SLC17A3: variants seen among roughly 807,000 people sequenced by gnomAD.
The protein encoded by SLC17A3 is sodium-dependent phosphate transport protein 4.
A neutral mutation model predicts 60.3 loss-of-function variants in SLC17A3; 61 were observed. The observed-to-expected ratio is 1.01, with a 90% confidence interval of 0.82 to 1.25. The LOEUF (loss-of-function observed/expected upper bound fraction) is 1.25, where lower values mean the gene tolerates loss of function less well. Ranked by LOEUF, SLC17A3 falls within the 50% of genes most tolerant of loss-of-function variation. The pLI, the probability that SLC17A3 is intolerant of heterozygous loss-of-function variation, is 0.00. For missense variants in SLC17A3, 624 were observed against 594.9 expected, an observed-to-expected ratio of 1.05 and a Z score of -0.51; for synonymous variants, 192 against 208.9, an observed-to-expected ratio of 0.92 and a Z score of 0.70.
chr6:25,850,669 A>G (rs1428252535), intron 7 of SLC17A3, 49 bp from the exon 8 acceptor site: 1 of 1,611,694 alleles, frequency 6.2e-7, no homozygotes, highest in Admixed American at 1.7e-5. Context: ...AGATGCTCAC[A>G]CACTTAGTCA....
intron 10 of SLC17A3, 104 bp from the exon 11 acceptor site, chr6:25,849,568 A>T (rs1340631681): frequency 1.1e-5 from 8 of 758,152 alleles, no homozygotes; most frequent in Non-Finnish European, 1.6e-5. Flanking sequence ...TTTCACAATT[A>T]TATATAATTA....
chr6:25,845,786 G>A (rs899888403), intron 11 of SLC17A3, among the ~76,000 whole-genome samples: 8 of 152,032 alleles, frequency 5.3e-5, no homozygotes, highest in African/African-American at 1.7e-4. Flanking sequence ...CATGAATCTC[G>A]ACTATATAAA....
chr6:25,853,574 C>T (rs1360680213), intron 6 of SLC17A3, among the ~76,000 whole-genome samples: 9 of 151,684 alleles, frequency 5.9e-5, no homozygotes, highest in African/African-American at 1.7e-4. Flanking sequence ...CCCGCCACCA[C>T]GCCTGGCTAA....
intron 2 of SLC17A3, among the ~76,000 whole-genome samples, chr6:25,865,874 C>T (rs1027036984): frequency 1.3e-5 from 2 of 151,866 alleles, no homozygotes; most frequent in African/African-American, 4.8e-5. Flanking sequence ...TTAAGAAGCA[C>T]CTGAGGGTAT....
intron 2 of SLC17A3, among the ~76,000 whole-genome samples, 163 bp from the exon 3 acceptor site, chr6:25,862,607 T>A (rs78287505): frequency 6.6e-6 from 1 of 151,948 alleles, no homozygotes; most frequent in African/African-American, 2.4e-5. Flanking sequence ...AGGAGATCAC[T>A]GAGTTGAGCT....
At chr6:25,873,758 C>G (rs1765682488) in intron 1 of SLC17A3, among the ~76,000 whole-genome samples, 1 of 152,094 alleles carries the variant, frequency 6.6e-6, no homozygotes. Context: ...TAAATTACTG[C>G]ACCAGCCAGT....
chr6:25,873,626 T>C (rs1466551576), intron 1 of SLC17A3, among the ~76,000 whole-genome samples: 3 of 152,120 alleles, frequency 2.0e-5, no homozygotes, highest in South Asian at 2.1e-4. Context: ...CTAGCCATTT[T>C]AGTTTGGTTA....
chr6:25,846,444 G>A (rs879764783), intron 11 of SLC17A3, among the ~76,000 whole-genome samples: 26 of 152,084 alleles, frequency 1.7e-4, no homozygotes, highest in Admixed American at 2.0e-4. Context: ...AAAACATGAT[G>A]GATGAAATAA....
chr6:25,852,373 A>AC (rs1392375260), intron 6 of SLC17A3, among the ~76,000 whole-genome samples: 6 of 151,966 alleles, frequency 3.9e-5, no homozygotes, highest in Non-Finnish European at 2.9e-5. Flanking sequence ...TGGATCTGTG[A>AC]ATTTATAGTT....
At chr6:25,862,683 A>C (rs969488977) in intron 2 of SLC17A3, among the ~76,000 whole-genome samples, 14 of 151,922 alleles carry the variant, frequency 9.2e-5, no homozygotes, top group Non-Finnish European at 1.6e-4. Flanking sequence ...TTCATCCTAG[A>C]ATTTTGTATC....
Position 25,856,732 on chromosome 6 carries a change from A to C in SLC17A3, c.626-1502T>G, listed in dbSNP as rs986348186. On this transcript the variant is annotated intron_variant, in intron 5 of 12. Transcript: ENST00000397060. Reference sequence around the variant, plus strand: ...CGTTCTCAGGGGCACCTGTAATACCAGCTACTGTGGAGGCTGACGCAGGAG... The same window carrying C: ...CGTTCTCAGGGGCACCTGTAATACCCGCTACTGTGGAGGCTGACGCAGGAG... Among the ~76,000 whole-genome samples, 8 of 151,970 alleles carry C rather than the reference A, an allele frequency of 5.3e-5. No homozygotes were observed. The East Asian group carries it at 1.4e-3, about 26-fold the overall frequency.
chr6:25,851,558 G>A (rs529970136), intron 6 of SLC17A3, among the ~76,000 whole-genome samples: 50 of 152,110 alleles, frequency 3.3e-4, no homozygotes, highest in African/African-American at 1.2e-3. Context: ...ATTCATTTTG[G>A]TTTAGTTTTT....
chr6:25,850,123 C>T lies in SLC17A3; in HGVS notation c.1048G>A (p.Gly350Arg), dbSNP rs1765247770. Residue 350 changes from glycine (G) to arginine (R), a missense_variant, in exon 9 of 13, where the codon GGA becomes AGA. Gly to Arg is a moderately radical substitution (Grantham distance 125, BLOSUM62 -2). Transcript: ENST00000397060. ...AGAAGGAAATCTGCCAGATAGCCTC[C>T]CACCATGCCTATGACCCAGGCAACA... ...FIVAWVIGMVGGYLADFLLTK... is the reference protein window; with the variant it reads ...FIVAWVIGMVRGYLADFLLTK... The T allele has an allele frequency of 1.2e-6, 2 of 1,613,660 alleles. No individual in the cohort carries two copies. Among genetic ancestry groups the T allele is most frequent in the Non-Finnish European group, 8.5e-7 (1 of 1,179,668 alleles).
intron 2 of SLC17A3, among the ~76,000 whole-genome samples, chr6:25,862,698 A>C (rs551829962): frequency 6.6e-6 from 1 of 151,980 alleles, no homozygotes; most frequent in Admixed American, 6.6e-5. Context: ...TGTATCTACC[A>C]TTCCTAGGTC....
chr6:25,861,520 T>G (rs1175158550), intron 5 of SLC17A3, 104 bp downstream of exon 5: 1 of 905,666 alleles, frequency 1.1e-6, no homozygotes, highest in Non-Finnish European at 1.9e-6. Flanking sequence ...AATACTTCAC[T>G]GACATTGAGC....
At chr6:25,845,642 G>T in intron 11 of SLC17A3, 126 bp from the exon 12 acceptor site, 2 of 1,086,126 alleles carry the variant, frequency 1.8e-6, no homozygotes, top group Non-Finnish European at 2.8e-6. Flanking sequence ...CCTGAAAGTG[G>T]CTTGATAGTT....
chr6:25,872,440 CTG>C (rs1455269464), intron 1 of SLC17A3, among the ~76,000 whole-genome samples: 1 of 150,666 alleles, frequency 6.6e-6, no homozygotes, highest in African/African-American at 2.4e-5. Context: ...GTGTGTGTGT[CTG>C]TGTGTGTGGG....
chr6:25,850,028 C>G lies in SLC17A3; in HGVS notation c.1123+20G>C. ...GTTGTATGCTACGCAAATTATCTGACCCTCAAGCTCTGTTCTTACCTAAAA... is the reference window on the plus strand; with the variant it reads ...GTTGTATGCTACGCAAATTATCTGAGCCTCAAGCTCTGTTCTTACCTAAAA... On this transcript the variant is annotated intron_variant, in intron 9 of 12. Coordinates refer to ENST00000397060, the MANE Select transcript of SLC17A3 (RefSeq NM_001098486.2). 1 of 1,613,948 alleles carries G rather than the reference C, an allele frequency of 6.2e-7. No homozygotes were observed. Among genetic ancestry groups the G allele is most frequent in the Non-Finnish European group, 8.5e-7 (1 of 1,179,840 alleles).
At chr6:25,850,936 T>C (rs1002880269) in intron 6 of SLC17A3, 59 bp from the exon 7 acceptor site, 1 of 1,197,036 alleles carries the variant, frequency 8.4e-7, no homozygotes, top group Non-Finnish European at 1.3e-6. Context: ...GGTGAACTTC[T>C]TTTATGTTGG....
Sources: allele counts gnomAD v4.1 joint callset (sites outside exome capture counted in the v4.1 genomes callset), GRCh38; gene constraint gnomAD v4.1.1; transcripts MANE v1.5; gene names NCBI Gene and HGNC (gene_info 2026-07-23, HGNC 2026-07-21).